Variants in GNG7 observed in about 807,000 individuals in gnomAD.
GNG7 encodes the protein guanine nucleotide-binding protein G(I)/G(S)/G(O) subunit gamma-7.
A neutral mutation model predicts 4.0 loss-of-function variants in GNG7; 1 was observed. The observed-to-expected ratio is 0.25, with a 90% CI of 0.09 to 1.18. The LOEUF is 1.18. Ranked by LOEUF, GNG7 falls within the 50% of genes most tolerant of loss-of-function variation. The pLI, the probability that GNG7 is intolerant of heterozygous loss-of-function variation, is 0.50. For missense variants in GNG7, 86 were observed against 91.9 expected, an observed-to-expected ratio of 0.94 and a Z score of 0.26; for synonymous variants, 34 against 36.9, an observed-to-expected ratio of 0.92 and a Z score of 0.29.
intron 1 of GNG7, among the ~76,000 whole-genome samples, chr19:2,649,275 T>C (rs1982746521): frequency 6.6e-6 from 1 of 151,914 alleles, no homozygotes; most frequent in South Asian, 2.1e-4. Flanking sequence ...AGTGGTCTGG[T>C]GCGCCCTTCA....
chr19:2,600,262 CA>C lies in GNG7; in HGVS notation c.-77-45075del, dbSNP rs551659880. 6.4e-3 allele frequency among the ~76,000 whole-genome samples: 847 copies of C among 132,322 alleles called. 6 individuals are homozygous for C. Among genetic ancestry groups the C allele is most frequent in the Admixed American group, 0.011 (147 of 13,064 alleles). 86.8% of individuals were successfully genotyped at this position (132,322 alleles called of 152,430 possible). ...GTTTAAGTGAAAAGTAACTATTTTT[CA>C]AAAAAAAAAAACATTGAGGGGAAAT... On this transcript the variant is annotated intron_variant, in intron 2 of 4. Coordinates refer to ENST00000382159, the MANE Select transcript of GNG7 (RefSeq NM_052847.3).
At chr19:2,667,086 G>T (rs1983329321) in intron 1 of GNG7, among the ~76,000 whole-genome samples, 1 of 152,224 alleles carries the variant, frequency 6.6e-6, no homozygotes, top group Non-Finnish European at 1.5e-5. Context: ...TTGGGAGGCT[G>T]AGGCGGGTGG....
At chr19:2,652,359 C>A (rs147540248) in intron 1 of GNG7, among the ~76,000 whole-genome samples, 1 of 152,254 alleles carries the variant, frequency 6.6e-6, no homozygotes, top group East Asian at 1.9e-4. Context: ...GTGGCTCATG[C>A]CTGTAATCCC....
intron 3 of GNG7, among the ~76,000 whole-genome samples, chr19:2,553,781 T>A (rs1459833667): frequency 1.4e-5 from 2 of 145,984 alleles, no homozygotes; most frequent in African/African-American, 5.1e-5. Flanking sequence ...TAATGTTATA[T>A]CACACACATG....
chr19:2,690,844 T>C (rs1432186516), intron 1 of GNG7, among the ~76,000 whole-genome samples: 1 of 152,142 alleles, frequency 6.6e-6, no homozygotes, highest in African/African-American at 2.4e-5. Context: ...TCCACCCACC[T>C]CAGACTCCCA....
intron 2 of GNG7, among the ~76,000 whole-genome samples, chr19:2,563,625 G>T (rs1425254035): frequency 6.6e-6 from 1 of 152,146 alleles, no homozygotes; most frequent in Non-Finnish European, 1.5e-5. Flanking sequence ...GGAACTACGG[G>T]TGTGCACCAC....
chr19:2,540,537 G>C (rs550507719), intron 3 of GNG7, among the ~76,000 whole-genome samples: 1 of 152,206 alleles, frequency 6.6e-6, no homozygotes, highest in South Asian at 2.1e-4. Flanking sequence ...GCCCCTGCTC[G>C]GGGGTGGGTG....
At chr19:2,644,377 ATATAAT>A in intron 2 of GNG7, among the ~76,000 whole-genome samples, 1 of 128,166 alleles carries the variant, frequency 7.8e-6, no homozygotes, top group African/African-American at 3.6e-5. Context: ...ATATATATAT[ATATAAT>A]GCTCTATCTA....
intron 3 of GNG7, among the ~76,000 whole-genome samples, chr19:2,525,869 G>C (rs1334158187): frequency 3.3e-5 from 5 of 151,802 alleles, no homozygotes; most frequent in Admixed American, 2.6e-4. Flanking sequence ...AAGTGCGGTG[G>C]CGCGATCTCA....
intron 2 of GNG7, among the ~76,000 whole-genome samples, chr19:2,625,373 G>A (rs1250011490): frequency 2.0e-5 from 3 of 152,090 alleles, no homozygotes. Context: ...TGCCCAGCCA[G>A]GGTTTTTATT....
intron 2 of GNG7, among the ~76,000 whole-genome samples, chr19:2,645,227 T>TTC (rs1226861691): frequency 1.1e-3 from 149 of 137,490 alleles, no homozygotes; most frequent in African/African-American, 1.7e-3. Flanking sequence ...TTTCTTTCTT[T>TTC]TCTCTCTCTC....
chr19:2,533,025 A>C (rs1377720662), intron 3 of GNG7, among the ~76,000 whole-genome samples: 1 of 152,170 alleles, frequency 6.6e-6, no homozygotes, highest in Non-Finnish European at 1.5e-5. Flanking sequence ...CATAACAGCA[A>C]AACCTGGAAA....
intron 2 of GNG7, among the ~76,000 whole-genome samples, chr19:2,605,819 C>G (rs566645432): frequency 6.6e-6 from 1 of 151,962 alleles, no homozygotes; most frequent in Non-Finnish European, 1.5e-5. Context: ...GCCAAAATCT[C>G]ACTCTTATAA....
At chr19:2,566,774 T>C (rs1219942834) in intron 2 of GNG7, among the ~76,000 whole-genome samples, 1 of 151,924 alleles carries the variant, frequency 6.6e-6, no homozygotes, top group Non-Finnish European at 1.5e-5. Flanking sequence ...TCTCAATGAG[T>C]GGGCATGGTG....
chr19:2,576,982 C>T (rs1038461347), intron 2 of GNG7, among the ~76,000 whole-genome samples: 4 of 152,236 alleles, frequency 2.6e-5, no homozygotes, highest in African/African-American at 4.8e-5. Flanking sequence ...CTGTGCCCGG[C>T]CTGAATTTGC....
At chr19:2,592,529 G>A (rs1367266603) in intron 2 of GNG7, among the ~76,000 whole-genome samples, 5 of 151,628 alleles carry the variant, frequency 3.3e-5, no homozygotes, top group African/African-American at 1.2e-4. Context: ...GAGCCCAGGA[G>A]TTCATGACCA....
chr19:2,531,688 A>G (rs980909524), intron 3 of GNG7, among the ~76,000 whole-genome samples: 3 of 150,032 alleles, frequency 2.0e-5, no homozygotes, highest in African/African-American at 7.4e-5. Flanking sequence ...GGAGAGTGGC[A>G]TGAACCCGGG....
chr19:2,603,015 T>TCCTTTCCCCTTCCTTCCTTC (rs1981261201), intron 2 of GNG7, among the ~76,000 whole-genome samples: 1 of 151,120 alleles, frequency 6.6e-6, no homozygotes, highest in Admixed American at 6.6e-5. Flanking sequence ...TTTCTCCCTT[T>TCCTTTCCCCTTCCTTCCTTC]CCTTTCCCCT....
intron 1 of GNG7, among the ~76,000 whole-genome samples, chr19:2,665,166 T>C (rs1221141678): frequency 5.4e-4 from 82 of 152,154 alleles, no homozygotes; most frequent in Non-Finnish European, 1.3e-4. Flanking sequence ...AGACTCCATT[T>C]CTTCTCCAAA....
Sources: allele counts gnomAD v4.1 joint callset (sites outside exome capture counted in the v4.1 genomes callset), GRCh38; gene constraint gnomAD v4.1.1; transcripts MANE v1.5; gene names NCBI Gene and HGNC (gene_info 2026-07-23, HGNC 2026-07-21).